The following AOPEP variants were observed in gnomAD, a reference collection of about 807,000 sequenced individuals.
AOPEP encodes aminopeptidase O (putative), also known as aminopeptidase O.
A neutral mutation model predicts 98.1 loss-of-function variants in AOPEP; 77 were observed. The ratio of observed to expected loss-of-function variants is 0.78; its 90% confidence interval spans 0.65 to 0.95. AOPEP has a LOEUF of 0.95. Ranked by LOEUF, AOPEP falls within the 40% of genes least tolerant of loss-of-function variation. AOPEP has a pLI of 0.00. For missense variants in AOPEP, 1,024 were observed against 1,024.7 expected (o/e 1.00, Z 0.01); for synonymous variants, 346 against 365.3 (o/e 0.95, Z 0.60).
chr9:94,835,754 CAA>C (rs2041517235), intron 5 of AOPEP, among the ~76,000 whole-genome samples: 1 of 152,092 alleles, frequency 6.6e-6, no homozygotes, highest in Non-Finnish European at 1.5e-5. Context: ...TGCAAAATTC[CAA>C]AGAGTGGGTG....
Position 94,741,335 on chromosome 9 carries a change from C to T in AOPEP, c.-136+14584C>T, listed in dbSNP as rs182502827. Among the ~76,000 whole-genome samples, 765 of 151,320 alleles carry T rather than the reference C, an allele frequency of 5.1e-3. 10 individuals carry two copies. Among genetic ancestry groups the T allele is most frequent in the South Asian group, 0.042 (203 of 4,782 alleles). On this transcript the variant is annotated intron_variant, in intron 1 of 16. Coordinates refer to ENST00000375315, the MANE Select transcript of AOPEP (RefSeq NM_001193329.3). ...TCGCCCAGGCTGGAGTGCAGTGGTG[C>T]GATCTCGGCTCACTGCAAGCTCCGC...
chr9:95,045,770 T>C (rs1161198481), intron 13 of AOPEP, among the ~76,000 whole-genome samples: 1 of 152,196 alleles, frequency 6.6e-6, no homozygotes, highest in African/African-American at 2.4e-5. Flanking sequence ...CAGGGACAGA[T>C]AGATGTCCAT....
intron 5 of AOPEP, among the ~76,000 whole-genome samples, chr9:94,895,139 C>T (rs183963113): frequency 1.3e-4 from 19 of 151,046 alleles, no homozygotes; most frequent in Admixed American, 2.0e-4. Flanking sequence ...ATTGGAAGGC[C>T]GAGGCAGGAG....
chr9:95,097,210 T>C, the AOPEP span, among the ~76,000 whole-genome samples: 1 of 152,242 alleles, frequency 6.6e-6, no homozygotes, highest in African/African-American at 2.4e-5. Flanking sequence ...CTGGGCTGTT[T>C]CATGGGACGC....
chr9:94,810,662 C>T (rs367826648), intron 5 of AOPEP, among the ~76,000 whole-genome samples: 1 of 152,046 alleles, frequency 6.6e-6, no homozygotes, highest in Admixed American at 6.6e-5. Flanking sequence ...GATTCAGTTT[C>T]GTTCAGCAAT....
chr9:94,990,478 GCT>G (rs1235826476), intron 11 of AOPEP, among the ~76,000 whole-genome samples: 1 of 152,140 alleles, frequency 6.6e-6, no homozygotes, highest in Non-Finnish European at 1.5e-5. Flanking sequence ...AAAGATAGCA[GCT>G]CTAGAGTGTA....
intron 9 of AOPEP, among the ~76,000 whole-genome samples, chr9:94,965,947 T>C (rs13301177): frequency 6.7e-6 from 1 of 148,336 alleles, no homozygotes; most frequent in Non-Finnish European, 1.5e-5. Context: ...GAGTCCTGTG[T>C]AGAGTCTGTA....
At chr9:95,071,984 A>G (rs1056961412) in intron 14 of AOPEP, among the ~76,000 whole-genome samples, 2 of 152,164 alleles carry the variant, frequency 1.3e-5, no homozygotes, top group Non-Finnish European at 2.9e-5. Flanking sequence ...GAGTCGTGCT[A>G]AAGCTGGCCC....
chr9:94,772,181 A>G (rs1485011061), intron 2 of AOPEP, among the ~76,000 whole-genome samples: 3 of 152,202 alleles, frequency 2.0e-5, no homozygotes, highest in Non-Finnish European at 4.4e-5. Context: ...GAAAGTAGAA[A>G]CATTCTCCTG....
At chr9:94,989,201 A>C (rs750068210) in intron 11 of AOPEP, among the ~76,000 whole-genome samples, 9 of 151,996 alleles carry the variant, frequency 5.9e-5, no homozygotes, top group Non-Finnish European at 8.8e-5. Context: ...TCCCGGGTTC[A>C]TGCCATTCTC....
chr9:94,826,886 C>T (rs1279195767), intron 5 of AOPEP, among the ~76,000 whole-genome samples: 1 of 152,078 alleles, frequency 6.6e-6, no homozygotes, highest in Admixed American at 6.6e-5. Context: ...TAGATTTCTG[C>T]CTGCCTGCCT....
At position 95,053,978 on chromosome 9, in the gene AOPEP, GTGC is replaced by G. The variant is rs1039741362; in HGVS notation, c.2116-6713_2116-6711del. Among the ~76,000 whole-genome samples, 12 of 152,234 alleles carry G rather than the reference GTGC, an allele frequency of 7.9e-5. No individual in the cohort carries two copies. The East Asian group carries it at 2.3e-3, about 29-fold the overall frequency. On this transcript the variant is annotated intron_variant, in intron 13 of 16. Coordinates refer to ENST00000375315, the MANE Select transcript of AOPEP (RefSeq NM_001193329.3). ...CATTCTCCTGTCTAGACCTCCCAGA[GTGC>G]TGGGATTACAGGTGTGAGCTACCAC...
chr9:95,135,341 C>T, the AOPEP span: 111 of 1,613,576 alleles, frequency 6.9e-5, no homozygotes, highest in Non-Finnish European at 8.5e-5. Context: ...AAACCCAGTA[C>T]GTACCAGCGA....
rs183622271 is a variant in AOPEP at position 95,073,365 on chromosome 9, G to A, written c.2233-7329G>A. Among the ~76,000 whole-genome samples the A allele has an allele frequency of 2.7e-3, 414 of 152,202 alleles. 10 individuals carry two copies. The highest frequency in any genetic ancestry group is 0.025 in the Admixed American group (381 of 15,292). On this transcript the variant is annotated intron_variant, in intron 14 of 16. Coordinates refer to ENST00000375315, the MANE Select transcript of AOPEP (RefSeq NM_001193329.3). ...CCTGGAGCATCAGGCTCTGGAAGCC[G>A]AGCTTGTATGTAGGTTTTCACACTG...
Position 94,780,046 on chromosome 9 carries a change from G to A in AOPEP, c.964+6878G>A, listed in dbSNP as rs201606310. ...TACTCACATCTGGATGATTTTAGGGGTCAGAAAACTATGGCCTGCTGGCTA... is the reference window on the plus strand; with the variant it reads ...TACTCACATCTGGATGATTTTAGGGATCAGAAAACTATGGCCTGCTGGCTA... On this transcript the variant is annotated intron_variant, in intron 3 of 16. Coordinates refer to ENST00000375315, the MANE Select transcript of AOPEP (RefSeq NM_001193329.3). Among the ~76,000 whole-genome samples the A allele has an allele frequency of 1.2e-4, 18 of 152,312 alleles. No individual in the cohort carries two copies. In the East Asian group the frequency reaches 2.3e-3, roughly 20 times the overall value.
At position 95,071,564 on chromosome 9, in the gene AOPEP, A is replaced by G. The variant is rs144420645; in HGVS notation, c.2233-9130A>G. The stretch of plus-strand genomic sequence containing the variant: ...TAAGCATGGTGACGAGCATGCACCA[A>G]ACTGAATCCTGGCTCCAGGATTGCC... On this transcript the variant is annotated intron_variant, in intron 14 of 16. Transcript: ENST00000375315. Among the ~76,000 whole-genome samples, 232 of 152,162 alleles carry G rather than the reference A, an allele frequency of 1.5e-3. 2 individuals are homozygous for G. The highest frequency in any genetic ancestry group is 5.3e-3 in the African/African-American group (221 of 41,506).
chr9:94,810,395 T>C (rs978672504), intron 5 of AOPEP, among the ~76,000 whole-genome samples: 10 of 151,344 alleles, frequency 6.6e-5, no homozygotes, highest in African/African-American at 2.2e-4. Flanking sequence ...GATCATTGCA[T>C]ACTCTACCTC....
rs149788239 is a variant in AOPEP at position 94,850,401 on chromosome 9, C to G, written c.1364+49399C>G. Among the ~76,000 whole-genome samples the G allele has an allele frequency of 1.4e-3, 210 of 152,302 alleles. 1 individual carries two copies. The highest frequency in any genetic ancestry group is 4.6e-3 in the African/African-American group (191 of 41,572). On this transcript the variant is annotated intron_variant, in intron 5 of 16. Transcript: ENST00000375315. The stretch of plus-strand genomic sequence containing the variant: ...CTGTTATAACCCATGGCGGACACTA[C>G]AGAAATGACCACTAACATTGAGCCA...
intron 1 of AOPEP, among the ~76,000 whole-genome samples, chr9:94,751,792 A>C (rs920399474): frequency 5.4e-5 from 8 of 148,114 alleles, no homozygotes; most frequent in African/African-American, 1.5e-4. Context: ...CAGGGGGTCC[A>C]TGTGCAGGTT....
Sources: allele counts gnomAD v4.1 joint callset (sites outside exome capture counted in the v4.1 genomes callset), GRCh38; gene constraint gnomAD v4.1.1; transcripts MANE v1.5; gene names NCBI Gene and HGNC (gene_info 2026-07-23, HGNC 2026-07-21).